The following HS3ST5 variants were observed in gnomAD, a reference collection of about 807,000 sequenced individuals.
HS3ST5 encodes heparan sulfate-glucosamine 3-sulfotransferase 5.
HS3ST5 carries 10 observed loss-of-function variants against 25.4 expected under a neutral mutation model. The observed-to-expected ratio is 0.39, with a 90% confidence interval of 0.24 to 0.67. HS3ST5 has a LOEUF of 0.67. Ranked by LOEUF, HS3ST5 falls within the 30% of genes least tolerant of loss-of-function variation. The pLI is 0.44. For synonymous variants in HS3ST5, 170 were observed against 162.4 expected (o/e 1.05, Z -0.36); for missense variants, 324 against 420.7 (o/e 0.77, Z 2.01).
intron 3 of HS3ST5, among the ~76,000 whole-genome samples, chr6:114,163,724 C>A (rs555927870): frequency 4.6e-5 from 7 of 152,224 alleles, no homozygotes; most frequent in Middle Eastern, 3.4e-3. Flanking sequence ...AACCCAGTAC[C>A]TGGCCTGTTA....
chr6:114,164,699 A>G (rs1779125726), intron 3 of HS3ST5, among the ~76,000 whole-genome samples: 1 of 152,206 alleles, frequency 6.6e-6, no homozygotes, highest in African/African-American at 2.4e-5. Flanking sequence ...AAATAAACGT[A>G]TATAAGTCTA....
intron 2 of HS3ST5, among the ~76,000 whole-genome samples, chr6:114,212,922 CA>C (rs1433008076): frequency 6.6e-6 from 1 of 152,170 alleles, no homozygotes; most frequent in Non-Finnish European, 1.5e-5. Flanking sequence ...TGGGTGCTGA[CA>C]GGACTTTTAG....
intron 1 of HS3ST5, among the ~76,000 whole-genome samples, chr6:114,240,791 A>G (rs1772078069): frequency 6.6e-6 from 1 of 152,138 alleles, no homozygotes; most frequent in Non-Finnish European, 1.5e-5. Flanking sequence ...TGCTTTTTGT[A>G]CCATATCACC....
At chr6:114,077,988 CT>C (rs1373248083) in intron 3 of HS3ST5, among the ~76,000 whole-genome samples, 10 of 152,080 alleles carry the variant, frequency 6.6e-5, no homozygotes, top group Non-Finnish European at 1.2e-4. Flanking sequence ...ATGATGAATG[CT>C]GATTTTTAAC....
At chr6:114,308,083 A>C (rs1775371881) in intron 1 of HS3ST5, among the ~76,000 whole-genome samples, 1 of 152,176 alleles carries the variant, frequency 6.6e-6, no homozygotes, top group Non-Finnish European at 1.5e-5. Context: ...TAATTAATAG[A>C]CTACTCTTCA....
chr6:114,115,430 T>C lies in HS3ST5; in HGVS notation c.-32-52553A>G, dbSNP rs1212064305. On this transcript the variant is annotated intron_variant, in intron 3 of 4. Transcript: ENST00000312719. ...TCTTAAAAAGCTAACCAAGTCTCTG[T>C]TAGCTTGGTCTAGTCCTGCTATAAA... Among the ~76,000 whole-genome samples, 4 of 152,100 alleles carry C rather than the reference T, an allele frequency of 2.6e-5. No homozygotes were observed. The East Asian group carries it at 7.7e-4, about 29-fold the overall frequency.
intron 1 of HS3ST5, among the ~76,000 whole-genome samples, chr6:114,261,854 G>T (rs971919477): frequency 6.6e-6 from 1 of 152,098 alleles, no homozygotes; most frequent in Admixed American, 6.6e-5. Flanking sequence ...TTATTCATTT[G>T]TCAAGTAGTT....
chr6:114,338,313 A>G (rs1261155352), intron 1 of HS3ST5, among the ~76,000 whole-genome samples: 1 of 151,676 alleles, frequency 6.6e-6, no homozygotes. Flanking sequence ...CACATTGTGT[A>G]TATATATACA....
intron 2 of HS3ST5, among the ~76,000 whole-genome samples, chr6:114,180,261 G>GCA (rs1779909993): frequency 6.6e-6 from 1 of 152,078 alleles, no homozygotes; most frequent in African/African-American, 2.4e-5. Context: ...ATCCTATACT[G>GCA]CACATAAGGC....
In HS3ST5 at chr6:114,260,002, G is replaced by A. The variant is rs147862009; in HGVS notation, c.-338-31224C>T. 8.2e-3 allele frequency among the ~76,000 whole-genome samples: 1,249 copies of A among 152,220 alleles called. 6 individuals carry two copies. The highest frequency in any genetic ancestry group is 0.013 in the Non-Finnish European group (899 of 67,992). On this transcript the variant is annotated intron_variant, in intron 1 of 4. Transcript: ENST00000312719. ...AGTTATCAAGTTGAGTTATTCCAAT[G>A]TGTATTATGGTTTTTACACATAAGA... is the stretch of plus-strand genomic sequence containing the variant.
chr6:114,062,997 A>C, intron 3 of HS3ST5, 120 bp from the exon 4 acceptor site: 1 of 575,458 alleles, frequency 1.7e-6, no homozygotes, highest in African/African-American at 1.9e-5. Flanking sequence ...TCCCATACCA[A>C]CTCTCACAAG....
chr6:114,101,783 A>G (rs1775746446), intron 3 of HS3ST5, among the ~76,000 whole-genome samples: 1 of 152,248 alleles, frequency 6.6e-6, no homozygotes. Context: ...ACAATAGTAA[A>G]GGCATGGAAT....
At chr6:114,201,060 A>C (rs1366089970) in intron 2 of HS3ST5, among the ~76,000 whole-genome samples, 1 of 152,246 alleles carries the variant, frequency 6.6e-6, no homozygotes, top group South Asian at 2.1e-4. Context: ...CTATAAGCTG[A>C]TAACAATTCT....
chr6:114,239,939 C>T (rs568319155), intron 1 of HS3ST5, among the ~76,000 whole-genome samples: 1 of 152,040 alleles, frequency 6.6e-6, no homozygotes, highest in East Asian at 1.9e-4. Context: ...AGATACTTTG[C>T]CAGCACAAAG....
chr6:114,136,120 A>G (rs1020235560), intron 3 of HS3ST5, among the ~76,000 whole-genome samples: 3 of 152,216 alleles, frequency 2.0e-5, no homozygotes, highest in African/African-American at 7.2e-5. Flanking sequence ...CTAACTCATT[A>G]GATTACAAAC....
At chr6:114,331,967 A>C (rs1776415361) in intron 1 of HS3ST5, among the ~76,000 whole-genome samples, 4 of 152,020 alleles carry the variant, frequency 2.6e-5, no homozygotes, top group Non-Finnish European at 4.4e-5. Context: ...GAGAAAAATG[A>C]ACTTAAATAA....
chr6:114,111,006 C>T (rs1285881877), intron 3 of HS3ST5, among the ~76,000 whole-genome samples: 1 of 152,106 alleles, frequency 6.6e-6, no homozygotes, highest in African/African-American at 2.4e-5. Context: ...TTAATCTATC[C>T]TCTAGTTTTA....
intron 3 of HS3ST5, among the ~76,000 whole-genome samples, chr6:114,077,018 T>A (rs141824753): frequency 2.2e-4 from 34 of 152,344 alleles, no homozygotes; most frequent in South Asian, 1.2e-3. Flanking sequence ...ATACTGCTTA[T>A]CTTCCCTGGA....
chr6:114,214,113 T>C (rs1002495467), intron 2 of HS3ST5, among the ~76,000 whole-genome samples: 2 of 152,244 alleles, frequency 1.3e-5, no homozygotes, highest in Non-Finnish European at 2.9e-5. Flanking sequence ...GAAGTAAAGC[T>C]TTCTTTCTCA....
Sources: allele counts gnomAD v4.1 joint callset (sites outside exome capture counted in the v4.1 genomes callset), GRCh38; gene constraint gnomAD v4.1.1; transcripts MANE v1.5; gene names NCBI Gene and HGNC (gene_info 2026-07-23, HGNC 2026-07-21).